C3orf18: variants seen among roughly 807,000 people sequenced by gnomAD.
The protein encoded by C3orf18 is chromosome 3 open reading frame 18.
In C3orf18, 12 loss-of-function variants were observed where a neutral mutation model predicts 14.1. That is an observed-to-expected ratio of 0.85 (90% CI 0.55 to 1.38). The LOEUF (loss-of-function observed/expected upper bound fraction) is 1.38. Among genes scored for constraint, C3orf18 ranks in the 40% most tolerant of loss-of-function variants. The pLI is 0.00. For synonymous variants in C3orf18, 82 were observed against 87.9 expected (o/e 0.93, Z 0.38); for missense variants, 196 against 213.9 (o/e 0.92, Z 0.52).
rs972144942 is a variant in C3orf18 at position 50,565,799 on chromosome 3, C to T, written c.-100G>A. ...GTGCCCCAGCCTGTGGTTCCTGCCA[C>T]CTGTGGTGGCCACCTGCACAGCCAC... On this transcript the variant is annotated 5_prime_UTR_variant, in exon 3 of 6. The change creates a new upstream start codon in the 5' untranslated region. Transcript: ENST00000357203. This position sits in a 1 kb window ranked among gnomAD's most constrained non-coding sequence, Gnocchi z 4.4. 7 of 835,366 alleles carry T rather than the reference C, an allele frequency of 8.4e-6. No homozygotes were observed. The African/African-American group carries it at 8.5e-5, about 10-fold the overall frequency. 51.7% of individuals were successfully genotyped at this position (835,366 alleles called of 1,614,324 possible).
At chr3:50,562,248 G>A (rs1700022561) in intron 3 of C3orf18, 1 of 353,436 alleles carries the variant, frequency 2.8e-6, no homozygotes, top group African/African-American at 2.2e-5. Context: ...GACTGAGTCT[G>A]GGGACTCAAG....
At chr3:50,572,814 T>A (rs550256398), upstream of C3orf18, among the ~76,000 whole-genome samples, 1 of 152,248 alleles carries the variant, frequency 6.6e-6, no homozygotes, top group Non-Finnish European at 1.5e-5. Flanking sequence ...TAAGGCACCC[T>A]GGTCCTGGAA....
chr3:50,572,148 C>A (rs1239598696), upstream of C3orf18: 1 of 1,613,850 alleles, frequency 6.2e-7, no homozygotes, highest in African/African-American at 1.3e-5. Context: ...GAGAGTGGGA[C>A]TTCCAGGGGC....
upstream of C3orf18, chr3:50,571,105 A>T: frequency 6.3e-7 from 1 of 1,583,760 alleles, no homozygotes; most frequent in Non-Finnish European, 8.6e-7. Context: ...TCCCTGAGAC[A>T]TGGAGCTTTG....
upstream of C3orf18, among the ~76,000 whole-genome samples, chr3:50,568,725 C>CAA (rs66828816): frequency 1.1e-4 from 9 of 84,022 alleles, 1 homozygote; most frequent in South Asian, 8.4e-4. Flanking sequence ...AACTCCGTCT[C>CAA]AAAAAAAAAA....
intron 3 of C3orf18, among the ~76,000 whole-genome samples, chr3:50,564,787 C>T (rs577480493): frequency 2.2e-4 from 34 of 152,322 alleles, no homozygotes; most frequent in African/African-American, 7.2e-4. Flanking sequence ...CTGCAGCCCA[C>T]GGTCCACATC....
At chr3:50,568,744 AAAG>A (rs1386013351), upstream of C3orf18, among the ~76,000 whole-genome samples, 3 of 149,594 alleles carry the variant, frequency 2.0e-5, no homozygotes, top group African/African-American at 2.5e-5. Flanking sequence ...AAAAAAAAAA[AAAG>A]AAAAAAAGAA....
rs1699801204 is a variant in C3orf18, at chr3:50,558,872, C to A, written c.*785G>T. 4 of 1,289,720 alleles carry A rather than the reference C, an allele frequency of 3.1e-6. No individual in the cohort carries two copies. In the African/African-American group the frequency reaches 4.6e-5, roughly 15 times the overall value. 79.9% of individuals were successfully genotyped at this position (1,289,720 alleles called of 1,614,324 possible). A position where few individuals can be genotyped will look rare whatever the true frequency, so the allele number is the denominator to read the frequency against. On this transcript the variant is annotated 3_prime_UTR_variant, in exon 6 of 6. Transcript: ENST00000357203. ...TGGGGCCAGTGTGGACAATCTCATT[C>A]TGCCCGCTGTGCTGGGACAGGCACA...
chr3:50,562,097 A>G (rs148320587), intron 3 of C3orf18, among the ~76,000 whole-genome samples: 5,184 of 152,092 alleles, frequency 0.034, 287 homozygotes, highest in African/African-American at 0.12. Flanking sequence ...ATGGGGTTTT[A>G]CCATGTTGGC....
chr3:50,558,637 A>T lies in C3orf18; in HGVS notation c.*1020T>A. On this transcript the variant is annotated 3_prime_UTR_variant, in exon 6 of 6. Coordinates refer to ENST00000357203, the MANE Select transcript of C3orf18 (RefSeq NM_016210.5). ...GCCTGTGATTACTGCCCTCAGACCA[A>T]CAGCCTCTCCCAACCCCAGATCCTC... is the stretch of plus-strand genomic sequence containing the variant. The T allele has an allele frequency of 1.6e-6, 2 of 1,236,032 alleles. No individual in the cohort carries two copies. Among genetic ancestry groups the T allele is most frequent in the East Asian group, 1.1e-4 (2 of 17,574 alleles). The allele number at this position is 1,236,032 out of a possible 1,614,324, so 76.6% of individuals were successfully genotyped here.
chr3:50,567,178 C>T (rs1457726304), intron 1 of C3orf18, among the ~76,000 whole-genome samples: 2 of 152,178 alleles, frequency 1.3e-5, no homozygotes, highest in African/African-American at 4.8e-5. Context: ...CAACTGATCC[C>T]GGGCGTGACC....
upstream of C3orf18, among the ~76,000 whole-genome samples, chr3:50,573,074 C>G (rs1701194539): frequency 6.6e-6 from 1 of 152,238 alleles, no homozygotes; most frequent in Non-Finnish European, 1.5e-5. Flanking sequence ...CAGCTTCTGT[C>G]CCCTAGCCAA....
chr3:50,571,489 T>G, upstream of C3orf18: 1 of 676,096 alleles, frequency 1.5e-6, no homozygotes, highest in Non-Finnish European at 2.6e-6. Context: ...TAACAGTTTG[T>G]TGGATGAATG....
chr3:50,562,491 C>T (rs1700046667), intron 3 of C3orf18: 1 of 454,576 alleles, frequency 2.2e-6, no homozygotes, highest in Non-Finnish European at 4.4e-6. Context: ...TAAGGTAGCA[C>T]ATGCCTGTAG....
At chr3:50,571,303 A>G, upstream of C3orf18, 1 of 1,605,762 alleles carries the variant, frequency 6.2e-7, no homozygotes, top group Non-Finnish European at 8.5e-7. Context: ...CAGTGAGTAC[A>G]TCGTGGCTCA....
chr3:50,574,032 G>T (rs1701302993), upstream of C3orf18, among the ~76,000 whole-genome samples: 1 of 152,236 alleles, frequency 6.6e-6, no homozygotes, highest in Non-Finnish European at 1.5e-5. Flanking sequence ...CATCCTAATA[G>T]AGGGTACTCA....
chr3:50,570,910 C>T, upstream of C3orf18: 2 of 485,202 alleles, frequency 4.1e-6, no homozygotes, highest in East Asian at 3.4e-5. Context: ...CACCTGCTTT[C>T]CTGGTTCCTC....
chr3:50,558,144 T>G lies in C3orf18; in HGVS notation c.*1513A>C. 6.5e-6 allele frequency: 1 copy of G among 154,018 alleles called. No individual in the cohort carries two copies. The highest frequency in any genetic ancestry group is 1.4e-5 in the Non-Finnish European group (1 of 69,014). 9.5% of individuals were successfully genotyped at this position (154,018 alleles called of 1,614,324 possible). ...TCCAGTCGACTCAAGTGCTAACGTA[T>G]TTATAGCATTTAGAGGAGGGAATAA... On this transcript the variant is annotated 3_prime_UTR_variant, in exon 6 of 6. Coordinates refer to ENST00000357203, the MANE Select transcript of C3orf18 (RefSeq NM_016210.5).
chr3:50,562,873 G>A (rs1389613206), intron 3 of C3orf18, among the ~76,000 whole-genome samples: 1 of 152,174 alleles, frequency 6.6e-6, no homozygotes, highest in Non-Finnish European at 1.5e-5. Context: ...AAAACATCTA[G>A]GACCTCTAGG....
Sources: gnomAD v4.1 joint callset for allele counts (sites outside exome capture counted in the v4.1 genomes callset) on GRCh38, gnomAD v4.1.1 for gene constraint, Gnocchi (gnomAD v3.1) non-coding constraint, MANE v1.5 for transcripts, NCBI Gene and HGNC (gene_info 2026-07-23, HGNC 2026-07-21) for gene names.